The following OR4Q3 variants were observed in gnomAD, a reference collection of about 807,000 sequenced individuals.
The protein encoded by OR4Q3 is olfactory receptor 4Q3.
OR4Q3 carries 17 observed loss-of-function variants against 18.8 expected under a neutral mutation model. The observed-to-expected ratio is 0.91, with a 90% confidence interval of 0.62 to 1.36. The LOEUF (loss-of-function observed/expected upper bound fraction) is 1.36, where lower values mean the gene tolerates loss of function less well. OR4Q3 is among the 40% of genes most tolerant of loss of function. The probability of loss-of-function intolerance (pLI) is 0.00; values close to 1 mark genes in which losing one functional copy is unlikely to be tolerated. For missense variants in OR4Q3, 378 were observed against 373.4 expected, an observed-to-expected ratio of 1.01 and a Z score of -0.10; for synonymous variants, 158 against 145.8, an observed-to-expected ratio of 1.08 and a Z score of -0.60.
At position 19,746,126 on chromosome 14, in the gene OR4Q3, T is replaced by C; in HGVS notation, c.3-1280T>C. ...CTGATATCTAGTATGAAGGATTTTATTGGATAACATTCTCTGAATGACTTG... is the reference window on the plus strand; with the variant it reads ...CTGATATCTAGTATGAAGGATTTTACTGGATAACATTCTCTGAATGACTTG... On this transcript the variant is annotated intron_variant, in intron 1 of 1. Transcript: ENST00000642117. Among the ~76,000 whole-genome samples the C allele has an allele frequency of 9.5e-4, 145 of 152,084 alleles. 1 individual carries two copies. The highest frequency in any genetic ancestry group is 3.4e-3 in the African/African-American group (139 of 41,480).
intron 1 of OR4Q3, 90 bp from the exon 2 acceptor site, chr14:19,747,316 T>C: frequency 5.4e-6 from 3 of 560,490 alleles, no homozygotes; most frequent in Non-Finnish European, 5.4e-6. Context: ...ATAATTTTTA[T>C]GTAATTTATA....
downstream of OR4Q3, among the ~76,000 whole-genome samples, chr14:19,751,210 T>C: frequency 6.6e-6 from 1 of 150,908 alleles, no homozygotes; most frequent in East Asian, 1.9e-4. Context: ...CAAGTCTCTG[T>C]TTGTTTCCAG....
chr14:19,747,530 T>C lies in OR4Q3; in HGVS notation c.127T>C (p.Tyr43His). ...TCTCTTCTTACTATTTTTGTTTTTT[T>C]ACATTGCTATTGTCCTGGGAAACCT... is the stretch of plus-strand genomic sequence containing the variant. The change falls in exon 2 of 2, where the codon TAC becomes CAC. Residue 43 changes from tyrosine to histidine, a missense_variant. By Grantham distance (83) the Tyr-to-His change is moderately conservative. Transcript: ENST00000642117. 40 of 1,613,738 alleles carry C rather than the reference T, an allele frequency of 2.5e-5. No individual in the cohort carries two copies. The South Asian group carries it at 4.1e-4, about 16-fold the overall frequency.
At chr14:19,751,315 C>T, downstream of OR4Q3, among the ~76,000 whole-genome samples, 15 of 152,330 alleles carry the variant, frequency 9.8e-5, no homozygotes, top group East Asian at 2.3e-3. Flanking sequence ...CATCTATGTT[C>T]ATCAGGATAT....
chr14:19,747,697 C>G, exon 2 of OR4Q3: 1 of 1,614,028 alleles, frequency 6.2e-7, no homozygotes, highest in Non-Finnish European at 8.5e-7. Flanking sequence ...TACAGCAGGG[C>G]AAGAGCATCT....
Position 19,747,613 on chromosome 14 carries a change from T to G in OR4Q3, c.210T>G (p.Tyr70Ter). Residue 70 changes from tyrosine (Y) to a stop codon, truncating the protein, a stop_gained, in exon 2 of 2, where the codon TAT (tyrosine) becomes TAG (stop). Transcript: ENST00000642117. LOFTEE classifies it high-confidence loss of function. ...ACCTGCTCCAATCTCCTATGTATTA[T>G]TTTTTAGGTCATCTCTCTTTCATTG... The G allele has an allele frequency of 2.5e-6, 4 of 1,613,994 alleles. No homozygotes were observed. The South Asian group carries it at 4.4e-5, about 18-fold the overall frequency.
Position 19,747,958 on chromosome 14 carries a change from C to T in OR4Q3, c.555C>T (p.Asn185=). Residue 185 remains asparagine (N), a synonymous_variant, in exon 2 of 2, where the codon AAC becomes AAT. Transcript: ENST00000642117. ...TCTGTGGGCCCAATGAACTGGACAA[C>T]TTCTACTGTGATGTCCCACAAGTCA... The T allele has an allele frequency of 2.0e-5, 33 of 1,614,064 alleles. No homozygotes were observed. The Admixed American group carries it at 3.8e-4, about 19-fold the overall frequency.
At chr14:19,745,904 C>G in intron 1 of OR4Q3, among the ~76,000 whole-genome samples, 1 of 152,104 alleles carries the variant, frequency 6.6e-6, no homozygotes, top group Admixed American at 6.6e-5. Flanking sequence ...TTAGATACAC[C>G]TGTGCACTCG....
chr14:19,748,546 C>T, exon 2 of OR4Q3: 1 of 576,642 alleles, frequency 1.7e-6, no homozygotes, highest in Admixed American at 3.4e-5. Flanking sequence ...CTCTAGAAAG[C>T]CACCTATGCC....
chr14:19,747,795 G>C, exon 2 of OR4Q3: 1 of 1,614,040 alleles, frequency 6.2e-7, no homozygotes, highest in Non-Finnish European at 8.5e-7. Flanking sequence ...GCCTATGACA[G>C]GTATGTTGCC....
At position 19,747,362 on chromosome 14, in the gene OR4Q3, T is replaced by C; in HGVS notation, c.3-44T>C. ...TATATGTATATAGTGTACACATATA[T>C]ATCTACCTTAAATCTCCCTTGTTCT... On this transcript the variant is annotated intron_variant, in intron 1 of 1. Coordinates refer to ENST00000642117, the Ensembl canonical transcript of OR4Q3. 9.9e-4 allele frequency: 1,077 copies of C among 1,084,182 alleles called. 7 individuals carry two copies. In the African/African-American group the frequency reaches 0.015, roughly 15 times the overall value. 67.2% of individuals were successfully genotyped at this position (1,084,182 alleles called of 1,614,324 possible).
chr14:19,747,704 A>G, exon 2 of OR4Q3: 1 of 1,613,992 alleles, frequency 6.2e-7, no homozygotes, highest in East Asian at 2.2e-5. Flanking sequence ...GGGCAAGAGC[A>G]TCTCTTTTTC....
chr14:19,746,604 G>T, intron 1 of OR4Q3, among the ~76,000 whole-genome samples: 1 of 152,074 alleles, frequency 6.6e-6, no homozygotes, highest in African/African-American at 2.4e-5. Flanking sequence ...TCCCGAGTCT[G>T]ACGCTTCCCT....
intron 1 of OR4Q3, among the ~76,000 whole-genome samples, chr14:19,746,290 G>A: frequency 3.3e-5 from 5 of 152,090 alleles, no homozygotes; most frequent in African/African-American, 1.2e-4. Flanking sequence ...TACTTCAATG[G>A]AAGAAATGTA....
downstream of OR4Q3, among the ~76,000 whole-genome samples, chr14:19,749,741 CT>C: frequency 1.1e-4 from 15 of 141,416 alleles, no homozygotes; most frequent in Admixed American, 2.2e-4. Flanking sequence ...TTCTTTCTTT[CT>C]CTCTCTCTTT....
downstream of OR4Q3, among the ~76,000 whole-genome samples, chr14:19,751,492 C>T: frequency 6.7e-6 from 1 of 149,884 alleles, no homozygotes; most frequent in African/African-American, 2.4e-5. Flanking sequence ...TAGAATTCAA[C>T]TGTGAATCCC....
chr14:19,745,433 T>TAGG, intron 1 of OR4Q3, among the ~76,000 whole-genome samples: 4 of 152,212 alleles, frequency 2.6e-5, no homozygotes, highest in African/African-American at 9.6e-5. Flanking sequence ...CATACACCTT[T>TAGG]GGTATACTAT....
chr14:19,749,207 C>A, exon 2 of OR4Q3: 1 of 152,260 alleles, frequency 6.6e-6, no homozygotes, highest in Non-Finnish European at 1.5e-5. Flanking sequence ...GAGATGCTCA[C>A]AGTTATTACC....
intron 1 of OR4Q3, among the ~76,000 whole-genome samples, chr14:19,745,418 T>G: frequency 9.1e-4 from 138 of 152,284 alleles, no homozygotes; most frequent in African/African-American, 3.0e-3. Context: ...AAAAAACAAG[T>G]GTACCATACA....
Sources: gnomAD v4.1 joint callset for allele counts (sites outside exome capture counted in the v4.1 genomes callset) on GRCh38, gnomAD v4.1.1 for gene constraint, MANE v1.5 for transcripts, NCBI Gene and HGNC (gene_info 2026-07-23, HGNC 2026-07-21) for gene names.